Variants in CPXM2 observed in about 807,000 individuals in gnomAD.
CPXM2 encodes the protein carboxypeptidase X, M14 family member 2.
A neutral mutation model predicts 86.1 loss-of-function variants in CPXM2; 66 were observed. The observed-to-expected ratio is 0.77, with a 90% confidence interval of 0.63 to 0.94. CPXM2 has a LOEUF of 0.94. Ranked by LOEUF, CPXM2 falls within the 40% of genes least tolerant of loss-of-function variation. The probability of loss-of-function intolerance (pLI) is 0.00; values close to 1 mark genes in which losing one functional copy is unlikely to be tolerated. For synonymous variants in CPXM2, 388 were observed against 400.2 expected (o/e 0.97, Z 0.36); for missense variants, 948 against 1,026.3 (o/e 0.92, Z 1.04).
intron 4 of CPXM2, among the ~76,000 whole-genome samples, chr10:123,807,768 A>G (rs1004657225): frequency 1.3e-5 from 2 of 152,210 alleles, no homozygotes; most frequent in African/African-American, 2.4e-5. Flanking sequence ...TTGTTATTAA[A>G]GAGGCTCAGA....
chr10:123,894,619 G>C (rs1194985361), upstream of CPXM2, among the ~76,000 whole-genome samples: 6 of 152,124 alleles, frequency 3.9e-5, no homozygotes. Flanking sequence ...TCATTCTCTT[G>C]GTTTGCAAGC....
intron 11 of CPXM2, among the ~76,000 whole-genome samples, chr10:123,759,529 G>A (rs571326866): frequency 6.6e-6 from 1 of 152,266 alleles, no homozygotes; most frequent in East Asian, 1.9e-4. Flanking sequence ...GCCTTGCTGA[G>A]AATACGTGGC....
At chr10:123,876,431 C>T (rs1017556421) in intron 2 of CPXM2, among the ~76,000 whole-genome samples, 1 of 152,096 alleles carries the variant, frequency 6.6e-6, no homozygotes, top group African/African-American at 2.4e-5. Flanking sequence ...AGGAGGGAAC[C>T]AGCACCATAA....
At chr10:123,762,807 T>G (rs1332659769) in intron 10 of CPXM2, among the ~76,000 whole-genome samples, 1 of 152,220 alleles carries the variant, frequency 6.6e-6, no homozygotes, top group East Asian at 1.9e-4. Flanking sequence ...TTATCATAAA[T>G]TGCTAATCCC....
chr10:123,764,140 T>G lies in CPXM2; in HGVS notation c.1480-1971A>C, dbSNP rs560396016. On this transcript the variant is annotated intron_variant, in intron 10 of 13. Coordinates refer to ENST00000241305, the MANE Select transcript of CPXM2 (RefSeq NM_198148.3). ...TTCTACTGAATTGTTCATATTTTTATTATTTGTTATTCTTCAGCTTTTAAA... is the reference window on the plus strand; with the variant it reads ...TTCTACTGAATTGTTCATATTTTTAGTATTTGTTATTCTTCAGCTTTTAAA... Among the ~76,000 whole-genome samples the G allele has an allele frequency of 1.9e-4, 29 of 152,324 alleles. No individual in the cohort carries two copies. The South Asian group carries it at 5.8e-3, about 30-fold the overall frequency.
intron 2 of CPXM2, among the ~76,000 whole-genome samples, chr10:123,929,578 C>A (rs1326314376): frequency 6.6e-6 from 1 of 152,228 alleles, no homozygotes; most frequent in Non-Finnish European, 1.5e-5. Flanking sequence ...TGTTTCACTT[C>A]CTTTTGGATC....
At position 123,757,201 on chromosome 10, in the gene CPXM2, C is replaced by T. The variant is rs1346265742; in HGVS notation, c.1917+12G>A. 8.1e-6 allele frequency: 13 copies of T among 1,612,434 alleles called. No homozygotes were observed. Among genetic ancestry groups the T allele is most frequent in the African/African-American group, 1.3e-5 (1 of 74,898 alleles). On this transcript the variant is annotated intron_variant, in intron 12 of 13. Transcript: ENST00000241305. The stretch of plus-strand genomic sequence containing the variant: ...TAGTCCCCCTCATCCCAGCCACACA[C>T]CCGCAATATACCTGCTCCATGAACA...
chr10:123,935,256 A>G lies in CPXM2; in HGVS notation n.174+4221T>C, dbSNP rs148668899. On this transcript the variant is annotated intron_variant and non_coding_transcript_variant, in intron 2 of 19. Transcript: ENST00000368854. ...AAAAGGGTGACAAGGCCTGGCTTAA[A>G]CCCTCCTCTCTCAGGGAGAGCTGCA... Among the ~76,000 whole-genome samples the G allele has an allele frequency of 9.0e-3, 1,369 of 152,222 alleles. 19 individuals are homozygous for G. Among genetic ancestry groups the G allele is most frequent in the African/African-American group, 0.031 (1,290 of 41,526 alleles).
intron 6 of CPXM2, among the ~76,000 whole-genome samples, chr10:123,794,771 GCA>G (rs748138431): frequency 0.039 from 5,502 of 142,684 alleles, 103 homozygotes; most frequent in South Asian, 0.044. Context: ...GTGTGTGTGC[GCA>G]TGTGTGTGTG....
At chr10:123,917,523 A>G (rs557239558) in intron 2 of CPXM2, among the ~76,000 whole-genome samples, 1 of 152,342 alleles carries the variant, frequency 6.6e-6, no homozygotes, top group Non-Finnish European at 1.5e-5. Flanking sequence ...GCTATTTTGT[A>G]CACATAATAA....
At chr10:123,804,166 C>T (rs1310646197) in intron 4 of CPXM2, among the ~76,000 whole-genome samples, 3 of 152,128 alleles carry the variant, frequency 2.0e-5, no homozygotes, top group Admixed American at 2.0e-4. Flanking sequence ...TATAATACAT[C>T]CTTATATCTG....
intron 2 of CPXM2, among the ~76,000 whole-genome samples, chr10:123,867,527 CT>C (rs34482126): frequency 0.16 from 15,171 of 93,512 alleles, 318 homozygotes; most frequent in Non-Finnish European, 0.21. Context: ...AGATTTCTTT[CT>C]TTTTTTTTTT....
chr10:123,795,845 C>G (rs1847325921), intron 6 of CPXM2, among the ~76,000 whole-genome samples: 3 of 152,128 alleles, frequency 2.0e-5, no homozygotes, highest in Admixed American at 2.0e-4. Flanking sequence ...ACGCACACAC[C>G]AAGAATAACT....
rs1368630623 is a variant in CPXM2, at chr10:123,842,431, G to A, written c.571C>T (p.Leu191Phe). 2 of 1,614,010 alleles carry A rather than the reference G, an allele frequency of 1.2e-6. No individual in the cohort carries two copies. Among genetic ancestry groups the A allele is most frequent in the Non-Finnish European group, 1.7e-6 (2 of 1,180,000 alleles). Residue 191 changes from leucine (L) to phenylalanine (F), a missense_variant, in exon 4 of 14, where the codon CTC becomes TTC. Coordinates refer to ENST00000241305, the MANE Select transcript of CPXM2 (RefSeq NM_198148.3). Reference protein sequence around the residue: ...DGAWCAGRNDLQQWIEVDARR... With the variant: ...DGAWCAGRNDFQQWIEVDARR... ...GCATCCACTTCAATCCACTGCTGGAGGTCATTTCTTCCCGCGCACCACGCT... is the reference window on the plus strand; with the variant it reads ...GCATCCACTTCAATCCACTGCTGGAAGTCATTTCTTCCCGCGCACCACGCT...
At chr10:123,931,085 AG>A (rs58980054) in intron 2 of CPXM2, among the ~76,000 whole-genome samples, 2 of 152,174 alleles carry the variant, frequency 1.3e-5, no homozygotes, top group African/African-American at 2.4e-5. Context: ...TCCTTAGTCA[AG>A]GGGGGTCTAG....
At chr10:123,798,192 G>C in intron 5 of CPXM2, 66 bp from the exon 6 acceptor site, 2 of 1,339,704 alleles carry the variant, frequency 1.5e-6, no homozygotes, top group Non-Finnish European at 2.0e-6. Flanking sequence ...TAAAAAGTCA[G>C]AATTCACTCA....
intron 3 of CPXM2, among the ~76,000 whole-genome samples, chr10:123,847,414 C>T (rs757096100): frequency 6.6e-6 from 1 of 151,942 alleles, no homozygotes; most frequent in African/African-American, 2.4e-5. Context: ...TAATCTCAGC[C>T]ACTCAGGAGG....
chr10:123,775,459 C>A (rs1846763549), intron 7 of CPXM2, among the ~76,000 whole-genome samples: 1 of 152,226 alleles, frequency 6.6e-6, no homozygotes, highest in Non-Finnish European at 1.5e-5. Flanking sequence ...ACCCTAACCC[C>A]TTCCAATTAG....
At chr10:123,788,940 C>A (rs1847137857) in intron 6 of CPXM2, among the ~76,000 whole-genome samples, 1 of 151,722 alleles carries the variant, frequency 6.6e-6, no homozygotes, top group Non-Finnish European at 1.5e-5. Context: ...CTGAGGACAC[C>A]AGAGGTGCTT....
Sources: gnomAD v4.1 joint callset for allele counts (sites outside exome capture counted in the v4.1 genomes callset) on GRCh38, gnomAD v4.1.1 for gene constraint, MANE v1.5 for transcripts, NCBI Gene and HGNC (gene_info 2026-07-23, HGNC 2026-07-21) for gene names.